Variants in AGBL3 observed in about 807,000 individuals in gnomAD.
AGBL3 encodes the protein cytosolic carboxypeptidase 3.
AGBL3 carries 68 observed loss-of-function variants against 94.5 expected under a neutral mutation model. The ratio of observed to expected loss-of-function variants is 0.72; its 90% confidence interval spans 0.59 to 0.88. The LOEUF (loss-of-function observed/expected upper bound fraction) is 0.88. Among genes scored for constraint, AGBL3 ranks in the 40% least tolerant of loss-of-function variants. AGBL3 has a pLI of 0.00. For synonymous variants in AGBL3, 354 were observed against 370.7 expected (o/e 0.95, Z 0.52); for missense variants, 934 against 1,103.8 (o/e 0.85, Z 2.18).
In AGBL3 at chr7:135,037,432, G is replaced by A. The variant is rs369712716; in HGVS notation, c.1352G>A (p.Arg451Gln). 4.9e-4 allele frequency: 762 copies of A among 1,541,472 alleles called. 2 individuals are homozygous for A. The highest frequency in any genetic ancestry group is 5.9e-4 in the East Asian group (24 of 40,406). ...CTTCCTGGCAGACTGATGGAGAAAC[G>A]AGAGGTTATTTTATACTGTGATCTT... The part of the protein sequence containing the change: ...RNMVHRLMEK[R>Q]EVILYCDLHG... Residue 451 changes from arginine to glutamine, a missense_variant, in exon 8 of 17, where the codon CGA becomes CAA. Arg to Gln is a conservative substitution (Grantham distance 43). Transcript: ENST00000436302.
chr7:135,075,953 A>G (rs7798553), intron 12 of AGBL3, among the ~76,000 whole-genome samples: 73,795 of 152,094 alleles, frequency 0.49, 18,273 homozygotes, highest in South Asian at 0.66. Context: ...GGGTGTGGGA[A>G]TCACAGTCAT....
chr7:135,031,612 T>A (rs1317321483), intron 5 of AGBL3, among the ~76,000 whole-genome samples: 1 of 152,216 alleles, frequency 6.6e-6, no homozygotes, highest in Non-Finnish European at 1.5e-5. Flanking sequence ...GCAATTAAAT[T>A]GCTGGCAGAT....
At chr7:135,042,214 T>C (rs1816921873) in intron 8 of AGBL3, among the ~76,000 whole-genome samples, 1 of 152,176 alleles carries the variant, frequency 6.6e-6, no homozygotes, top group Non-Finnish European at 1.5e-5. Context: ...TATAAACCTG[T>C]ACACACAAAC....
intron 12 of AGBL3, among the ~76,000 whole-genome samples, chr7:135,064,167 G>C (rs1311155619): frequency 6.6e-6 from 1 of 152,142 alleles, no homozygotes; most frequent in Non-Finnish European, 1.5e-5. Context: ...GAACATTTAG[G>C]AACAATCCAG....
intron 11 of AGBL3, among the ~76,000 whole-genome samples, chr7:135,051,786 T>G (rs1386225444): frequency 6.6e-6 from 1 of 152,116 alleles, no homozygotes; most frequent in East Asian, 1.9e-4. Flanking sequence ...AATATTCACC[T>G]GCTTCTTCCT....
chr7:135,121,258 A>G (rs7385236), intron 16 of AGBL3, among the ~76,000 whole-genome samples: 73,772 of 152,056 alleles, frequency 0.49, 18,267 homozygotes, highest in South Asian at 0.66. Flanking sequence ...GCAAAAACTG[A>G]TAAAACAGAA....
At chr7:135,114,181 G>A (rs1826008488) in intron 15 of AGBL3, among the ~76,000 whole-genome samples, 1 of 152,136 alleles carries the variant, frequency 6.6e-6, no homozygotes, top group Non-Finnish European at 1.5e-5. Context: ...GTCTCTTTGG[G>A]ACCCTGCTTT....
At chr7:135,015,988 G>A (rs1276719720) in intron 4 of AGBL3, among the ~76,000 whole-genome samples, 2 of 149,600 alleles carry the variant, frequency 1.3e-5, no homozygotes, top group African/African-American at 2.5e-5. Flanking sequence ...CTGAGATCAC[G>A]CCACTGCACT....
At chr7:135,032,718 A>C in intron 5 of AGBL3, 126 bp from the exon 6 acceptor site, 1 of 794,710 alleles carries the variant, frequency 1.3e-6, no homozygotes, top group South Asian at 2.9e-5. Flanking sequence ...TGTCTATATA[A>C]ATTAGTGTCC....
chr7:135,117,379 A>G (rs1826471025), intron 16 of AGBL3, among the ~76,000 whole-genome samples: 1 of 152,184 alleles, frequency 6.6e-6, no homozygotes, highest in Non-Finnish European at 1.5e-5. Context: ...TTTCAGCCCT[A>G]TGATTACATT....
Position 135,088,336 on chromosome 7 carries a change from A to G in AGBL3, c.2110+6546A>G, listed in dbSNP as rs141665290. The stretch of plus-strand genomic sequence containing the variant: ...TATTAATAGGTGAGGACATACTCCT[A>G]TATTTTGTTGTTTTCTGGTTGTTTT... On this transcript the variant is annotated intron_variant, in intron 15 of 16. Coordinates refer to ENST00000436302, the MANE Select transcript of AGBL3 (RefSeq NM_178563.4). Among the ~76,000 whole-genome samples, 62 of 152,160 alleles carry G rather than the reference A, an allele frequency of 4.1e-4. No homozygotes were observed. The East Asian group carries it at 0.011, about 28-fold the overall frequency.
At position 135,017,042 on chromosome 7, in the gene AGBL3, T is replaced by C; in HGVS notation, c.311-10T>C. 6.7e-7 allele frequency: 1 copy of C among 1,496,786 alleles called. No homozygotes were observed. Among genetic ancestry groups the C allele is most frequent in the South Asian group, 1.2e-5 (1 of 80,980 alleles). 92.7% of individuals were successfully genotyped at this position (1,496,786 alleles called of 1,614,324 possible). On this transcript the variant is annotated splice_polypyrimidine_tract_variant and intron_variant, in intron 4 of 16. Transcript: ENST00000436302. ...GTCATCTTCAAATAATGTTTCACTT[T>C]TTTTTCCAGATTGGACTCCTTCTTG...
chr7:135,132,690 G>A (rs754222065), intron 16 of AGBL3, among the ~76,000 whole-genome samples: 6 of 152,108 alleles, frequency 3.9e-5, no homozygotes, highest in African/African-American at 1.4e-4. Flanking sequence ...CAGGAGATCC[G>A]ATGGTTTTAT....
chr7:135,041,764 G>C (rs1816883738), intron 8 of AGBL3, among the ~76,000 whole-genome samples: 2 of 152,046 alleles, frequency 1.3e-5, no homozygotes, highest in South Asian at 4.1e-4. Flanking sequence ...ACAAAGATAA[G>C]CTCCAGGTAG....
chr7:135,067,313 G>A (rs2116746619), intron 12 of AGBL3, among the ~76,000 whole-genome samples: 2 of 152,354 alleles, frequency 1.3e-5, no homozygotes, highest in East Asian at 1.9e-4. Context: ...ACCTCTGGGG[G>A]CAGGGCATAG....
At chr7:135,089,108 T>A (rs953971718) in intron 15 of AGBL3, among the ~76,000 whole-genome samples, 2 of 152,084 alleles carry the variant, frequency 1.3e-5, no homozygotes, top group African/African-American at 4.8e-5. Context: ...AGACTACCTG[T>A]CTTTAAGTTC....
intron 16 of AGBL3, among the ~76,000 whole-genome samples, chr7:135,130,323 C>T (rs1015353534): frequency 6.6e-6 from 1 of 152,120 alleles, no homozygotes; most frequent in Non-Finnish European, 1.5e-5. Flanking sequence ...ATACCACAAA[C>T]GCTATGGGGC....
intron 4 of AGBL3, among the ~76,000 whole-genome samples, chr7:135,000,436 A>C (rs982753230): frequency 6.6e-6 from 1 of 152,148 alleles, no homozygotes; most frequent in Non-Finnish European, 1.5e-5. Flanking sequence ...AGGAAGGGTG[A>C]GAGCTCTCTT....
At position 135,018,028 on chromosome 7, in the gene AGBL3, TTAGA is replaced by T. The variant is rs576381547; in HGVS notation, c.418+873_418+876del. On this transcript the variant is annotated intron_variant, in intron 5 of 16. Transcript: ENST00000436302. ...GAATCAGTCAGGGTCTTCTCAGGAA[TTAGA>T]TAGCATACTCAGAGTAATTTAATAA... is the stretch of plus-strand genomic sequence containing the variant. Among the ~76,000 whole-genome samples, 346 of 152,334 alleles carry T rather than the reference TTAGA, an allele frequency of 2.3e-3. 1 individual carries two copies. The highest frequency in any genetic ancestry group is 7.6e-3 in the African/African-American group (317 of 41,582).
Sources: allele counts gnomAD v4.1 joint callset (sites outside exome capture counted in the v4.1 genomes callset), GRCh38; gene constraint gnomAD v4.1.1; transcripts MANE v1.5; gene names NCBI Gene and HGNC (gene_info 2026-07-23, HGNC 2026-07-21).